ADAM32: variants seen among roughly 807,000 people sequenced by gnomAD.
ADAM32 encodes disintegrin and metalloproteinase domain-containing protein 32.
ADAM32 carries 89 observed loss-of-function variants against 114.9 expected under a neutral mutation model. That is an observed-to-expected ratio of 0.77 (90% CI 0.65 to 0.92). ADAM32 has a LOEUF of 0.92. Ranked by LOEUF, ADAM32 falls within the 40% of genes least tolerant of loss-of-function variation. ADAM32 has a pLI of 0.00. For synonymous variants in ADAM32, 285 were observed against 307.5 expected (o/e 0.93, Z 0.77); for missense variants, 870 against 932.8 (o/e 0.93, Z 0.88).
chr8:39,148,496 C>CT (rs1803640886), intron 4 of ADAM32, among the ~76,000 whole-genome samples: 1 of 143,672 alleles, frequency 7.0e-6, no homozygotes, highest in South Asian at 2.2e-4. Flanking sequence ...TTTTTTTTGC[C>CT]TTTTTCCCAT....
chr8:39,108,999 AAG>A (rs1324065448), intron 1 of ADAM32, among the ~76,000 whole-genome samples: 2 of 152,212 alleles, frequency 1.3e-5, no homozygotes, highest in Non-Finnish European at 1.5e-5. Flanking sequence ...TTACCTCCCA[AAG>A]GCCATAACCA....
chr8:39,176,374 C>T (rs756485391), intron 10 of ADAM32, among the ~76,000 whole-genome samples: 10 of 152,198 alleles, frequency 6.6e-5, no homozygotes, highest in African/African-American at 9.6e-5. Flanking sequence ...CCATAGATTC[C>T]GGTACGTTGT....
chr8:39,134,981 C>G (rs929616703), intron 2 of ADAM32, among the ~76,000 whole-genome samples: 11 of 152,056 alleles, frequency 7.2e-5, no homozygotes, highest in South Asian at 2.1e-4. Flanking sequence ...CATGGAGGAA[C>G]ACCGTCTCTT....
intron 10 of ADAM32, among the ~76,000 whole-genome samples, chr8:39,172,259 T>G (rs1805247589): frequency 6.6e-6 from 1 of 152,118 alleles, no homozygotes; most frequent in Non-Finnish European, 1.5e-5. Context: ...GGAATAACTC[T>G]TGATTTTTTT....
chr8:39,251,199 T>C (rs549749192), intron 17 of ADAM32, among the ~76,000 whole-genome samples: 2 of 152,052 alleles, frequency 1.3e-5, no homozygotes, highest in Admixed American at 1.3e-4. Flanking sequence ...AGTAGTAGAA[T>C]TGCTGGGTCA....
intron 15 of ADAM32, among the ~76,000 whole-genome samples, chr8:39,232,525 G>A (rs1809811513): frequency 2.0e-5 from 3 of 152,088 alleles, no homozygotes; most frequent in African/African-American, 7.2e-5. Flanking sequence ...TTGATCATGA[G>A]TTTATTTTTA....
chr8:39,133,671 G>A (rs2129444911), intron 2 of ADAM32, among the ~76,000 whole-genome samples: 1 of 152,362 alleles, frequency 6.6e-6, no homozygotes, highest in South Asian at 2.1e-4. Context: ...GCATGTGGGT[G>A]GGCACTGGTC....
intron 3 of ADAM32, among the ~76,000 whole-genome samples, chr8:39,145,708 T>C (rs937649404): frequency 2.0e-5 from 3 of 152,064 alleles, no homozygotes; most frequent in Non-Finnish European, 4.4e-5. Flanking sequence ...TATTTTTTTG[T>C]TTAATGTATT....
In ADAM32 at chr8:39,118,177, T is replaced by A. The variant is rs748442861; in HGVS notation, c.138+12T>A. 93 of 1,361,338 alleles carry A rather than the reference T, an allele frequency of 6.8e-5. No individual in the cohort carries two copies. Among genetic ancestry groups the A allele is most frequent in the South Asian group, 1.1e-4 (7 of 64,726 alleles). 84.3% of individuals were successfully genotyped at this position (1,361,338 alleles called of 1,614,324 possible). ...CAGAAATAGAATATGTAAGAGATAT[T>A]TTTTCACAATCTAAATGTTTATATG... On this transcript the variant is annotated intron_variant, in intron 2 of 24. Coordinates refer to ENST00000379907, the MANE Select transcript of ADAM32 (RefSeq NM_145004.7).
intron 17 of ADAM32, among the ~76,000 whole-genome samples, chr8:39,254,201 T>C (rs1398994003): frequency 6.6e-6 from 1 of 150,878 alleles, no homozygotes; most frequent in Non-Finnish European, 1.5e-5. Context: ...TTGATGCAAA[T>C]ATTGAGAGCC....
intron 14 of ADAM32, among the ~76,000 whole-genome samples, chr8:39,226,465 A>G (rs367763362): frequency 2.6e-5 from 4 of 152,250 alleles, no homozygotes; most frequent in African/African-American, 9.6e-5. Context: ...TTTAATTTGA[A>G]CAAGACTACA....
intron 16 of ADAM32, among the ~76,000 whole-genome samples, chr8:39,239,339 A>G (rs1370925518): frequency 6.6e-6 from 1 of 152,194 alleles, no homozygotes; most frequent in Non-Finnish European, 1.5e-5. Flanking sequence ...AAATGAGGGA[A>G]AGATAAAGTC....
intron 11 of ADAM32, among the ~76,000 whole-genome samples, chr8:39,196,762 G>GTTGATGAGAA (rs1807030764): frequency 6.6e-6 from 1 of 151,840 alleles, no homozygotes; most frequent in African/African-American, 2.4e-5. Flanking sequence ...GAATTTTTGT[G>GTTGATGAGAA]TCTATGTTCA....
intron 3 of ADAM32, among the ~76,000 whole-genome samples, chr8:39,139,983 A>G: frequency 6.6e-6 from 1 of 152,040 alleles, no homozygotes; most frequent in Non-Finnish European, 1.5e-5. Context: ...TTTGTCTATC[A>G]TTGGTATATA....
rs35688722 is a variant in ADAM32, at chr8:39,231,455, A to G, written c.1526-572A>G. On this transcript the variant is annotated intron_variant, in intron 14 of 24. Transcript: ENST00000379907. ...GAGAAAATATGCAGAGAAAACCTGT[A>G]TGCCTTGCTGAACTAACTACTGAGT... is the stretch of plus-strand genomic sequence containing the variant. Among the ~76,000 whole-genome samples, 1,156 of 152,286 alleles carry G rather than the reference A, an allele frequency of 7.6e-3. 20 individuals carry two copies. Among genetic ancestry groups the G allele is most frequent in the African/African-American group, 0.027 (1,113 of 41,578 alleles).
intron 17 of ADAM32, among the ~76,000 whole-genome samples, chr8:39,249,380 G>A (rs1399100765): frequency 6.6e-6 from 1 of 152,132 alleles, no homozygotes; most frequent in Non-Finnish European, 1.5e-5. Context: ...TTTATGCATT[G>A]TTGAATCTGA....
intron 11 of ADAM32, among the ~76,000 whole-genome samples, chr8:39,199,818 G>A (rs1807271796): frequency 7.3e-6 from 1 of 137,502 alleles, no homozygotes; most frequent in African/African-American, 2.8e-5. Context: ...TCCCCTTCCT[G>A]TGTCCAAGTG....
intron 4 of ADAM32, among the ~76,000 whole-genome samples, chr8:39,147,873 A>C (rs1242623069): frequency 6.6e-6 from 1 of 152,072 alleles, no homozygotes; most frequent in East Asian, 1.9e-4. Context: ...TCCTGGGTTC[A>C]AGTGATTCTC....
chr8:39,247,220 C>G (rs77068606), intron 17 of ADAM32, among the ~76,000 whole-genome samples: 8,114 of 152,100 alleles, frequency 0.053, 744 homozygotes, highest in African/African-American at 0.18. Flanking sequence ...AAATACCAAG[C>G]ATTGTGGTTG....
Sources: allele counts gnomAD v4.1 joint callset (sites outside exome capture counted in the v4.1 genomes callset), GRCh38; gene constraint gnomAD v4.1.1; transcripts MANE v1.5; gene names NCBI Gene and HGNC (gene_info 2026-07-23, HGNC 2026-07-21).